Variants in DLC1 observed in about 807,000 individuals in gnomAD.
DLC1 encodes DLC1 Rho GTPase activating protein.
A neutral mutation model predicts 140.3 loss-of-function variants in DLC1; 54 were observed. The ratio of observed to expected loss-of-function variants is 0.38; its 90% confidence interval spans 0.31 to 0.48. The LOEUF is 0.48. Ranked by LOEUF, DLC1 falls within the 20% of genes least tolerant of loss-of-function variation. DLC1 has a pLI of 0.96. For missense variants in DLC1, 2,536 were observed against 1,907.0 expected (o/e 1.33, Z -6.14); for synonymous variants, 986 against 728.1 (o/e 1.35, Z -5.70).
At chr8:13,185,797 T>A (rs539024188) in intron 5 of DLC1, among the ~76,000 whole-genome samples, 1 of 152,312 alleles carries the variant, frequency 6.6e-6, no homozygotes, top group South Asian at 2.1e-4. Context: ...GTTGATCCTT[T>A]CCATGTTTAG....
chr8:13,198,321 T>C (rs2117054802), intron 5 of DLC1, among the ~76,000 whole-genome samples: 1 of 152,298 alleles, frequency 6.6e-6, no homozygotes, highest in South Asian at 2.1e-4. Context: ...CTTCCATTTG[T>C]TTTGAATTGG....
At chr8:13,575,954 A>C (rs1359855100) in intron 1 of DLC1, among the ~76,000 whole-genome samples, 1 of 152,232 alleles carries the variant, frequency 6.6e-6, no homozygotes, top group Non-Finnish European at 1.5e-5. Flanking sequence ...ATTTTCCTCA[A>C]AGGAGCAAAT....
At chr8:13,320,895 C>G (rs966957748) in intron 4 of DLC1, among the ~76,000 whole-genome samples, 1 of 152,116 alleles carries the variant, frequency 6.6e-6, no homozygotes, top group Non-Finnish European at 1.5e-5. Flanking sequence ...GAACCTTTCT[C>G]CCCAGCTGTC....
chr8:13,551,327 A>C (rs1185506888), intron 1 of DLC1, among the ~76,000 whole-genome samples: 1 of 152,052 alleles, frequency 6.6e-6, no homozygotes, highest in Non-Finnish European at 1.5e-5. Context: ...AGTACATAAA[A>C]ATTTTCCAGA....
chr8:13,528,381 C>G (rs929299541), intron 1 of DLC1, among the ~76,000 whole-genome samples: 3 of 151,960 alleles, frequency 2.0e-5, no homozygotes, highest in African/African-American at 7.3e-5. Context: ...ATTTACATAT[C>G]TGATTGTAAG....
In DLC1 at chr8:13,305,257, A is replaced by G; in HGVS notation, c.1348+12T>C. ...AGATTGGCGAGAAAACAGAACCAAAATGTCAACTTACCAGCCTTTTCCTTC... is the reference window on the plus strand; with the variant it reads ...AGATTGGCGAGAAAACAGAACCAAAGTGTCAACTTACCAGCCTTTTCCTTC... On this transcript the variant is annotated intron_variant, in intron 5 of 17. Coordinates refer to ENST00000276297, the MANE Select transcript of DLC1 (RefSeq NM_182643.3). 6 of 1,609,352 alleles carry G rather than the reference A, an allele frequency of 3.7e-6. No individual in the cohort carries two copies. Among genetic ancestry groups the G allele is most frequent in the Non-Finnish European group, 5.1e-6 (6 of 1,177,894 alleles).
At chr8:13,211,178 G>A in intron 5 of DLC1, among the ~76,000 whole-genome samples, 1 of 152,152 alleles carries the variant, frequency 6.6e-6, no homozygotes, top group East Asian at 1.9e-4. Context: ...TACATTATGT[G>A]GTTCTGGGAA....
chr8:13,456,950 C>G (rs576913666), intron 2 of DLC1, among the ~76,000 whole-genome samples: 4 of 152,142 alleles, frequency 2.6e-5, no homozygotes, highest in Non-Finnish European at 5.9e-5. Context: ...AAATGGTGCC[C>G]TCTTATTTTG....
chr8:13,324,493 G>A (rs1421200158), intron 4 of DLC1, among the ~76,000 whole-genome samples: 3 of 148,594 alleles, frequency 2.0e-5, no homozygotes, highest in Non-Finnish European at 3.0e-5. Context: ...GCGTGAACCT[G>A]GGAGTGGAGC....
At chr8:13,435,022 G>A (rs1839054926) in intron 2 of DLC1, among the ~76,000 whole-genome samples, 1 of 152,162 alleles carries the variant, frequency 6.6e-6, no homozygotes, top group Admixed American at 6.5e-5. Context: ...TAAGGCTATA[G>A]CTGCCATGGA....
intron 4 of DLC1, among the ~76,000 whole-genome samples, chr8:13,345,760 T>C (rs1358690790): frequency 6.6e-6 from 1 of 151,996 alleles, no homozygotes; most frequent in African/African-American, 2.4e-5. Context: ...GGTTTCACCA[T>C]GTTGGCCAGG....
chr8:13,540,148 T>C (rs572348817), intron 1 of DLC1, among the ~76,000 whole-genome samples: 2 of 152,302 alleles, frequency 1.3e-5, no homozygotes, highest in Admixed American at 6.5e-5. Context: ...AAGGAAATTA[T>C]AATGGGATGG....
chr8:13,116,379 C>A (rs1825675208), intron 5 of DLC1: 1 of 282,850 alleles, frequency 3.5e-6, no homozygotes, highest in South Asian at 1.4e-4. Flanking sequence ...CACTGGAGCA[C>A]ATATTTACAA....
At position 13,500,193 on chromosome 8, in the gene DLC1, C is replaced by T; in HGVS notation, c.-122G>A. 1 of 881,954 alleles carries T rather than the reference C, an allele frequency of 1.1e-6. No homozygotes were observed. Among genetic ancestry groups the T allele is most frequent in the East Asian group, 2.5e-5 (1 of 39,338 alleles). The allele number at this position is 881,954 out of a possible 1,614,324, so 54.6% of individuals were successfully genotyped here. Reference sequence around the variant, plus strand: ...GAAGCGAATGAGTTCTGTCATTTCACCACCTATTAAAAAATTCAAAAAAAT... The same window carrying T: ...GAAGCGAATGAGTTCTGTCATTTCATCACCTATTAAAAAATTCAAAAAAAT... On this transcript the variant is annotated 5_prime_UTR_variant, in exon 2 of 18. In the 5' UTR this introduces an upstream ATG that the reference lacks. Transcript: ENST00000276297.
At chr8:13,333,328 C>G (rs976605456) in intron 4 of DLC1, among the ~76,000 whole-genome samples, 1 of 152,178 alleles carries the variant, frequency 6.6e-6, no homozygotes, top group African/African-American at 2.4e-5. Context: ...TGGGCTCAAG[C>G]CATCCTCCCA....
intron 4 of DLC1, among the ~76,000 whole-genome samples, chr8:13,310,202 T>A (rs1042452628): frequency 2.6e-5 from 4 of 152,198 alleles, no homozygotes; most frequent in Non-Finnish European, 5.9e-5. Flanking sequence ...ATTTTGTGCT[T>A]TCTCTTTTTA....
intron 2 of DLC1, among the ~76,000 whole-genome samples, chr8:13,465,780 T>A (rs1189114880): frequency 6.6e-6 from 1 of 152,328 alleles, no homozygotes; most frequent in East Asian, 1.9e-4. Flanking sequence ...TTTTTAGTAT[T>A]CTTTCTATGT....
chr8:13,567,634 C>T, intron 1 of DLC1: 1 of 1,551,644 alleles, frequency 6.4e-7, no homozygotes, highest in South Asian at 1.2e-5. Flanking sequence ...GTCTGCCTTT[C>T]TGAAACAAAA....
At chr8:13,422,503 G>A (rs1838363469) in intron 2 of DLC1, among the ~76,000 whole-genome samples, 1 of 152,014 alleles carries the variant, frequency 6.6e-6, no homozygotes. Flanking sequence ...GGGAGCTGGA[G>A]AGAAGGTTAA....
Sources: gnomAD v4.1 joint callset for allele counts (sites outside exome capture counted in the v4.1 genomes callset) on GRCh38, gnomAD v4.1.1 for gene constraint, MANE v1.5 for transcripts, NCBI Gene and HGNC (gene_info 2026-07-23, HGNC 2026-07-21) for gene names.